The following TRPS1 variants were observed in gnomAD, a reference collection of about 807,000 sequenced individuals.
TRPS1 encodes the protein zinc finger transcription factor Trps1.
In TRPS1, 6 loss-of-function variants were observed where a neutral mutation model predicts 101.2. That is an observed-to-expected ratio of 0.06 (90% CI 0.03 to 0.12). The LOEUF (loss-of-function observed/expected upper bound fraction) is 0.12. TRPS1 is among the 10% of genes least tolerant of loss of function. The pLI is 1.00. For synonymous variants in TRPS1, 578 were observed against 589.8 expected (o/e 0.98, Z 0.29); for missense variants, 1,363 against 1,567.0 (o/e 0.87, Z 2.20).
chr8:115,557,757 C>T (rs1816856814), intron 5 of TRPS1, among the ~76,000 whole-genome samples: 1 of 152,154 alleles, frequency 6.6e-6, no homozygotes, highest in Non-Finnish European at 1.5e-5. Context: ...TGAACTAATA[C>T]ATTTTCACTG....
intron 5 of TRPS1, among the ~76,000 whole-genome samples, chr8:115,421,285 A>T (rs2129782416): frequency 6.6e-6 from 1 of 152,240 alleles, no homozygotes; most frequent in South Asian, 2.1e-4. Context: ...ATGCCCCGCT[A>T]CTGTGATTCT....
chr8:115,482,942 T>C (rs1303780069), intron 5 of TRPS1, among the ~76,000 whole-genome samples: 1 of 152,206 alleles, frequency 6.6e-6, no homozygotes, highest in Non-Finnish European at 1.5e-5. Context: ...ACTTACTATC[T>C]TTAGTAATAA....
intron 1 of TRPS1, chr8:115,637,352 A>T: frequency 1.0e-6 from 1 of 964,180 alleles, no homozygotes; most frequent in Non-Finnish European, 1.2e-6. Flanking sequence ...AGATTAGGAA[A>T]ACTAAACTAG....
At position 115,411,683 on chromosome 8, in the gene TRPS1, GT is replaced by G. The variant is rs1168917199; in HGVS notation, c.*2339del. 6.6e-6 allele frequency: 1 copy of G among 152,332 alleles called. No homozygotes were observed. The highest frequency in any genetic ancestry group is 1.5e-5 in the Non-Finnish European group (1 of 67,954). 9.4% of individuals were successfully genotyped at this position (152,332 alleles called of 1,614,324 possible). On this transcript the variant is annotated 3_prime_UTR_variant, in exon 7 of 7. Coordinates refer to ENST00000395715, the MANE Select transcript of TRPS1 (RefSeq NM_014112.5). ...CTCCTCATTCCACTTCTTTATTTCA[GT>G]TTATGTGAATATTAGAGCTACGCGA...
intron 1 of TRPS1, among the ~76,000 whole-genome samples, chr8:115,636,528 C>T (rs1380972405): frequency 6.6e-6 from 1 of 152,172 alleles, no homozygotes; most frequent in Admixed American, 6.5e-5. Flanking sequence ...AGAAACAAGG[C>T]TCACATTAAA....
At chr8:115,499,968 CTTTTCT>C (rs1563555786) in intron 5 of TRPS1, among the ~76,000 whole-genome samples, 4 of 95,982 alleles carry the variant, frequency 4.2e-5, no homozygotes, top group Admixed American at 1.3e-4. Flanking sequence ...TCTTTCTTTT[CTTTTCT>C]TTTCTTTTCT....
intron 5 of TRPS1, among the ~76,000 whole-genome samples, chr8:115,474,529 A>G (rs1184462903): frequency 6.6e-6 from 1 of 152,144 alleles, no homozygotes; most frequent in Admixed American, 6.5e-5. Context: ...TTGTAGCTTA[A>G]ATTTTTTTCT....
intron 5 of TRPS1, among the ~76,000 whole-genome samples, chr8:115,520,375 T>TAC (rs1452242337): frequency 6.6e-6 from 1 of 151,802 alleles, no homozygotes; most frequent in Admixed American, 6.6e-5. Flanking sequence ...CATTTATCTT[T>TAC]CAGCTCTTCT....
intron 5 of TRPS1, among the ~76,000 whole-genome samples, chr8:115,561,156 A>T (rs1816936401): frequency 6.6e-6 from 1 of 152,166 alleles, no homozygotes; most frequent in Non-Finnish European, 1.5e-5. Flanking sequence ...AAGTGTGAAT[A>T]TTACACCAAT....
intron 5 of TRPS1, among the ~76,000 whole-genome samples, chr8:115,419,144 T>G (rs2129772815): frequency 6.6e-6 from 1 of 152,310 alleles, no homozygotes; most frequent in South Asian, 2.1e-4. Flanking sequence ...TTTATTTGAC[T>G]TAGACTTGGA....
intron 3 of TRPS1, among the ~76,000 whole-genome samples, chr8:115,606,797 G>T (rs191502257): frequency 2.1e-3 from 240 of 112,730 alleles, no homozygotes; most frequent in East Asian, 0.01. Flanking sequence ...TAAAGAGAAG[G>T]TTCATTTGCC....
intron 5 of TRPS1, among the ~76,000 whole-genome samples, chr8:115,512,478 T>C (rs1015320802): frequency 4.0e-5 from 6 of 151,834 alleles, no homozygotes; most frequent in Admixed American, 3.9e-4. Flanking sequence ...AACTGTATCA[T>C]TCTTCCCTCT....
chr8:115,625,783 C>T (rs551382805), intron 1 of TRPS1, among the ~76,000 whole-genome samples: 1 of 151,746 alleles, frequency 6.6e-6, no homozygotes. Flanking sequence ...ACATTCTGAA[C>T]AAGACTCTAA....
intron 5 of TRPS1, among the ~76,000 whole-genome samples, chr8:115,556,514 C>G (rs1475348700): frequency 2.0e-5 from 3 of 152,050 alleles, no homozygotes; most frequent in Non-Finnish European, 4.4e-5. Flanking sequence ...TTATTCTGTG[C>G]TCTTTTGATA....
At chr8:115,457,331 T>C (rs141145874) in intron 5 of TRPS1, among the ~76,000 whole-genome samples, 36 of 152,270 alleles carry the variant, frequency 2.4e-4, no homozygotes, top group African/African-American at 7.5e-4. Flanking sequence ...CTTGAGGACA[T>C]CATTATGTTA....
chr8:115,518,131 C>A (rs1815767698), intron 5 of TRPS1, among the ~76,000 whole-genome samples: 1 of 144,576 alleles, frequency 6.9e-6, no homozygotes, highest in African/African-American at 2.6e-5. Flanking sequence ...ATGCACAGAG[C>A]CATTAGTTAG....
chr8:115,540,140 C>A (rs1816417622), intron 5 of TRPS1, among the ~76,000 whole-genome samples: 1 of 152,008 alleles, frequency 6.6e-6, no homozygotes, highest in South Asian at 2.1e-4. Context: ...GTTATAAATT[C>A]CATCATGGAA....
intron 5 of TRPS1, among the ~76,000 whole-genome samples, chr8:115,488,700 C>T (rs777875103): frequency 1.3e-5 from 2 of 151,862 alleles, no homozygotes; most frequent in Non-Finnish European, 2.9e-5. Flanking sequence ...ACAAAAAAAA[C>T]AAACCAGACA....
intron 5 of TRPS1, among the ~76,000 whole-genome samples, chr8:115,452,593 T>A (rs1033407108): frequency 1.3e-5 from 2 of 152,224 alleles, no homozygotes; most frequent in African/African-American, 4.8e-5. Flanking sequence ...TGTGATAACG[T>A]TCAAACTGCT....
Sources: allele counts gnomAD v4.1 joint callset (sites outside exome capture counted in the v4.1 genomes callset), GRCh38; gene constraint gnomAD v4.1.1; transcripts MANE v1.5; gene names NCBI Gene and HGNC (gene_info 2026-07-23, HGNC 2026-07-21).